Variants in PCDH15 observed in about 807,000 individuals in gnomAD.
The protein encoded by PCDH15 is protocadherin-15.
Under a neutral mutation model 178.5 loss-of-function variants are expected in PCDH15, and 129 were observed. The ratio of observed to expected loss-of-function variants is 0.72; its 90% confidence interval spans 0.63 to 0.84. The LOEUF is 0.84. PCDH15 is among the 40% of genes least tolerant of loss of function. The pLI is 0.00. For synonymous variants in PCDH15, 800 were observed against 732.0 expected, an observed-to-expected ratio of 1.09 and a Z score of -1.50; for missense variants, 2,230 against 2,099.9, an observed-to-expected ratio of 1.06 and a Z score of -1.21.
intron 6 of PCDH15, among the ~76,000 whole-genome samples, chr10:54,332,152 T>C (rs1939746887): frequency 6.8e-6 from 1 of 147,006 alleles, no homozygotes; most frequent in Admixed American, 7.1e-5. Context: ...ATCTTGATAT[T>C]ACCCCATCTC....
At chr10:53,958,692 C>T (rs904018071) in intron 23 of PCDH15, among the ~76,000 whole-genome samples, 13 of 152,082 alleles carry the variant, frequency 8.5e-5, no homozygotes, top group Non-Finnish European at 1.5e-5. Flanking sequence ...AAATAACTTT[C>T]TGTTGTGGCC....
intron 2 of PCDH15, among the ~76,000 whole-genome samples, chr10:55,139,006 T>C (rs963267303): frequency 5.3e-5 from 8 of 152,116 alleles, no homozygotes; most frequent in African/African-American, 1.9e-4. Context: ...TGTATATTCA[T>C]TTAGCCATAC....
intron 2 of PCDH15, among the ~76,000 whole-genome samples, chr10:55,372,913 T>C (rs1297830350): frequency 1.3e-5 from 2 of 150,156 alleles, no homozygotes; most frequent in African/African-American, 4.9e-5. Flanking sequence ...TTCTAAAGGA[T>C]ATCAACAAGA....
In PCDH15 at chr10:54,235,779, C is replaced by T. The variant is rs145904846; in HGVS notation, c.985+1044G>A. Among the ~76,000 whole-genome samples, 1,272 of 152,186 alleles carry T rather than the reference C, an allele frequency of 8.4e-3. 11 individuals carry two copies. The highest frequency in any genetic ancestry group is 0.027 in the African/African-American group (1,110 of 41,516). Reference sequence around the variant, plus strand: ...AAGAGTGATTGACATACAGTCAAGCCTTCAGTTAATGAAATAAATGATGCT... The same window carrying T: ...AAGAGTGATTGACATACAGTCAAGCTTTCAGTTAATGAAATAAATGATGCT... On this transcript the variant is annotated intron_variant, in intron 9 of 37. Coordinates refer to ENST00000644397, the MANE Select transcript of PCDH15 (RefSeq NM_001384140.1).
chr10:54,380,729 T>TATAC (rs1434535029), intron 3 of PCDH15, among the ~76,000 whole-genome samples: 10 of 115,062 alleles, frequency 8.7e-5, no homozygotes, highest in African/African-American at 3.7e-4. Context: ...TATATATATA[T>TATAC]ATATATATAT....
At chr10:54,752,499 C>CA (rs1306931904) in intron 1 of PCDH15, among the ~76,000 whole-genome samples, 1 of 66,568 alleles carries the variant, frequency 1.5e-5, no homozygotes, top group Non-Finnish European at 3.2e-5. Context: ...AAACAAAAAA[C>CA]AAAAAACAAA....
At chr10:54,855,001 G>A (rs566428771) in intron 3 of PCDH15, among the ~76,000 whole-genome samples, 40 of 152,332 alleles carry the variant, frequency 2.6e-4, no homozygotes, top group Admixed American at 5.2e-4. Flanking sequence ...CCCCATCCAC[G>A]TTTCTCTTAG....
At chr10:54,920,468 CAAAAAAAAA>C (rs71014429) in intron 2 of PCDH15, among the ~76,000 whole-genome samples, 3 of 57,790 alleles carry the variant, frequency 5.2e-5, no homozygotes, top group Admixed American at 5.8e-4. Flanking sequence ...GACTGTGTCT[CAAAAAAAAA>C]AAAAAAAAAA....
At chr10:55,585,900 T>C (rs1201399561) in intron 2 of PCDH15, among the ~76,000 whole-genome samples, 1 of 152,104 alleles carries the variant, frequency 6.6e-6, no homozygotes, top group East Asian at 1.9e-4. Flanking sequence ...CAGGCAATTG[T>C]TGATCTTAAT....
intron 3 of PCDH15, among the ~76,000 whole-genome samples, chr10:54,468,144 G>A (rs2077653653): frequency 6.6e-6 from 1 of 151,488 alleles, no homozygotes; most frequent in Non-Finnish European, 1.5e-5. Flanking sequence ...ATTATTTTCA[G>A]CCTGTATTTT....
chr10:55,516,445 C>T (rs1232805204), intron 2 of PCDH15, among the ~76,000 whole-genome samples: 1 of 152,116 alleles, frequency 6.6e-6, no homozygotes, highest in African/African-American at 2.4e-5. Flanking sequence ...TGGACCAATA[C>T]ACTTCTTTAA....
intron 2 of PCDH15, among the ~76,000 whole-genome samples, chr10:55,393,924 T>A (rs1397946960): frequency 6.6e-6 from 1 of 152,182 alleles, no homozygotes. Flanking sequence ...ATGGGATACA[T>A]GTTACATATA....
intron 2 of PCDH15, among the ~76,000 whole-genome samples, chr10:55,542,299 A>G (rs1444506265): frequency 6.6e-6 from 1 of 151,094 alleles, no homozygotes; most frequent in Middle Eastern, 3.4e-3. Context: ...ACATATGTAC[A>G]ATATGTCCAT....
At chr10:54,301,935 A>C (rs954766636) in intron 8 of PCDH15, among the ~76,000 whole-genome samples, 2 of 152,122 alleles carry the variant, frequency 1.3e-5, no homozygotes, top group Non-Finnish European at 2.9e-5. Context: ...CAAGTCAACA[A>C]AGAAATACTG....
intron 2 of PCDH15, among the ~76,000 whole-genome samples, chr10:54,947,317 CAG>C (rs1379008468): frequency 6.6e-6 from 1 of 151,834 alleles, no homozygotes; most frequent in Non-Finnish European, 1.5e-5. Flanking sequence ...AATGAAAATA[CAG>C]ATAGTTTTAA....
At chr10:54,524,014 C>T (rs1282532351) in intron 3 of PCDH15, among the ~76,000 whole-genome samples, 1 of 152,186 alleles carries the variant, frequency 6.6e-6, no homozygotes, top group Non-Finnish European at 1.5e-5. Flanking sequence ...AGAAAATCTT[C>T]ATGACCTTTA....
At chr10:55,087,325 G>T (rs1181883146) in intron 2 of PCDH15, among the ~76,000 whole-genome samples, 1 of 151,492 alleles carries the variant, frequency 6.6e-6, no homozygotes, top group Non-Finnish European at 1.5e-5. Context: ...TCTTGACTAT[G>T]CCTTCAAAGA....
chr10:55,283,728 G>A (rs1347377504), intron 1 of PCDH15, among the ~76,000 whole-genome samples: 1 of 150,830 alleles, frequency 6.6e-6, no homozygotes, highest in Non-Finnish European at 1.5e-5. Context: ...ATTTTCATAT[G>A]GCTTGTAACA....
At chr10:54,815,902 G>C (rs1480359383) in intron 3 of PCDH15, among the ~76,000 whole-genome samples, 1 of 151,804 alleles carries the variant, frequency 6.6e-6, no homozygotes, top group African/African-American at 2.4e-5. Context: ...TGCTTTATTG[G>C]AAAAATACAC....
Sources: allele counts gnomAD v4.1 joint callset (sites outside exome capture counted in the v4.1 genomes callset), GRCh38; gene constraint gnomAD v4.1.1; transcripts MANE v1.5; gene names NCBI Gene and HGNC (gene_info 2026-07-23, HGNC 2026-07-21).